The following TMEM100 variants were observed in gnomAD, a reference collection of about 807,000 sequenced individuals.
TMEM100 encodes the protein transmembrane protein 100.
For missense variants in TMEM100, 137 were observed against 168.2 expected, an observed-to-expected ratio of 0.81 and a Z score of 1.02; for synonymous variants, 61 against 67.1, an observed-to-expected ratio of 0.91 and a Z score of 0.44.
At position 55,720,454 on chromosome 17, in the gene TMEM100, A is replaced by T. The variant is rs1908829882; in HGVS notation, c.*212T>A. On this transcript the variant is annotated 3_prime_UTR_variant, in exon 2 of 2. Transcript: ENST00000424486. The stretch of plus-strand genomic sequence containing the variant: ...CATGTAAATAGAAAGCTGATTTTTC[A>T]GTCTCAGAAGTAGCCCTTAGGGTTA... 2 of 597,394 alleles carry T rather than the reference A, an allele frequency of 3.3e-6. No individual in the cohort carries two copies. Among genetic ancestry groups the T allele is most frequent in the South Asian group, 5.2e-5 (2 of 38,506 alleles). The allele number at this position is 597,394 out of a possible 1,614,324, so 37.0% of individuals were successfully genotyped here.
chr17:55,726,003 CA>C (rs778840593), upstream of TMEM100, among the ~76,000 whole-genome samples: 15 of 152,106 alleles, frequency 9.9e-5, 2 homozygotes, highest in Admixed American at 7.2e-4. Context: ...TCCTCTTTCC[CA>C]ATAACATGCA....
rs142578710 is a variant in TMEM100 at position 55,729,004 on chromosome 17, G to A, written c.-358-1022C>T. ...TTAAAGAGCACAGGGCAGGCAGAGA[G>A]CAGTCAAAATAAGACCGGAAATAGT... On this transcript the variant is annotated intron_variant, in intron 1 of 3. Coordinates refer to the TMEM100 transcript ENST00000575734. Among the ~76,000 whole-genome samples the A allele has an allele frequency of 1.2e-4, 18 of 152,362 alleles. No individual in the cohort carries two copies. In the South Asian group the frequency reaches 1.4e-3, roughly 12 times the overall value.
chr17:55,721,318 T>A (rs1908879884), intron 1 of TMEM100, 183 bp from the exon 2 acceptor site: 1 of 447,242 alleles, frequency 2.2e-6, no homozygotes, highest in Non-Finnish European at 3.9e-6. Context: ...ATGAAGCAGA[T>A]GCATATGAAG....
In TMEM100 at chr17:55,721,009, A is replaced by AT; in HGVS notation, c.61dup (p.Met21AsnfsTer8). ...AACTTCACTCTTGGGGCTCTTCTCC[A>AT]TCGTCGCTGCCATGTGAGCCTTTGG... On this transcript the variant is annotated frameshift_variant, in exon 2 of 2. Coordinates refer to ENST00000424486, the MANE Select transcript of TMEM100 (RefSeq NM_018286.3). LOFTEE classifies it high-confidence loss of function. 6.2e-7 allele frequency: 1 copy of AT among 1,614,140 alleles called. No individual in the cohort carries two copies.
In TMEM100 at chr17:55,720,744, C is replaced by G; in HGVS notation, c.327G>C (p.Val109=). The change falls in exon 2 of 2, where the codon GTG becomes GTC. Residue 109 remains valine (V), a synonymous_variant. Coordinates refer to ENST00000424486, the MANE Select transcript of TMEM100 (RefSeq NM_018286.3). Reference sequence around the variant, plus strand: ...TCTTGGCTTTCTTGCTCCTTTGTCTCACTTTCCAGCACAAGGCACTGGAGG... The same window carrying G: ...TCTTGGCTTTCTTGCTCCTTTGTCTGACTTTCCAGCACAAGGCACTGGAGG... ...LLASSALCWK[V]RQRSKKAKRR... is the part of the protein sequence containing the mutation. 6.2e-7 allele frequency: 1 copy of G among 1,614,176 alleles called. No homozygotes were observed. Among genetic ancestry groups the G allele is most frequent in the Non-Finnish European group, 8.5e-7 (1 of 1,180,022 alleles).
Position 55,720,437 on chromosome 17 carries a change from TAGAA to T in TMEM100, c.*225_*228del. ...TGACCCCCAAAGTGTTTCATGTAAA[TAGAA>T]AGCTGATTTTTCAGTCTCAGAAGTA... On this transcript the variant is annotated 3_prime_UTR_variant, in exon 2 of 2. Coordinates refer to ENST00000424486, the MANE Select transcript of TMEM100 (RefSeq NM_018286.3). 1.8e-6 allele frequency: 1 copy of T among 567,480 alleles called. No homozygotes were observed. Among genetic ancestry groups the T allele is most frequent in the Non-Finnish European group, 3.0e-6 (1 of 330,556 alleles). 35.2% of individuals were successfully genotyped at this position (567,480 alleles called of 1,614,324 possible). A position where few individuals can be genotyped will look rare whatever the true frequency, so the allele number is the denominator to read the frequency against.
At chr17:55,725,576 G>A (rs1223197388), upstream of TMEM100, among the ~76,000 whole-genome samples, 3 of 152,204 alleles carry the variant, frequency 2.0e-5, no homozygotes, top group African/African-American at 4.8e-5. Flanking sequence ...ATTAGGGACC[G>A]TAAACAAAGT....
chr17:55,725,030 G>C (rs751149654), upstream of TMEM100, among the ~76,000 whole-genome samples: 2 of 152,228 alleles, frequency 1.3e-5, no homozygotes, highest in African/African-American at 2.4e-5. Context: ...CAAAGAGGTA[G>C]AAAGTTTTGG....
chr17:55,721,404 C>G (rs182021312), intron 1 of TMEM100: 1 of 230,392 alleles, frequency 4.3e-6, no homozygotes, highest in African/African-American at 2.3e-5. Flanking sequence ...ACAAGCTTTT[C>G]TGCTTTGTCT....
chr17:55,725,926 T>C (rs1243046097), upstream of TMEM100, among the ~76,000 whole-genome samples: 2 of 152,194 alleles, frequency 1.3e-5, no homozygotes, highest in Non-Finnish European at 2.9e-5. Context: ...TCGTAATCTT[T>C]GCTCTACATT....
At chr17:55,731,028 T>C (rs1355186972) in intron 1 of TMEM100, among the ~76,000 whole-genome samples, 1 of 152,164 alleles carries the variant, frequency 6.6e-6, no homozygotes, top group Non-Finnish European at 1.5e-5. Context: ...GTTTCTTCCA[T>C]CAGGGCACAC....
Position 55,720,725 on chromosome 17 carries a change from C to T in TMEM100, c.346G>A (p.Ala116Thr). Residue 116 changes from alanine to threonine, a missense_variant, in exon 2 of 2, where the codon GCC (alanine) becomes ACC (threonine). Ala to Thr is a moderately conservative substitution (Grantham distance 58, BLOSUM62 0). Coordinates refer to ENST00000424486, the MANE Select transcript of TMEM100 (RefSeq NM_018286.3). Reference sequence around the variant, plus strand: ...GCTGTTTGACTCTCCCGTCTCTTGGCTTTCTTGCTCCTTTGTCTCACTTTC... The same window carrying T: ...GCTGTTTGACTCTCCCGTCTCTTGGTTTTCTTGCTCCTTTGTCTCACTTTC... ...CWKVRQRSKK[A>T]KRRESQTALV... 1 of 1,614,084 alleles carries T rather than the reference C, an allele frequency of 6.2e-7. No homozygotes were observed. The highest frequency in any genetic ancestry group is 8.5e-7 in the Non-Finnish European group (1 of 1,179,974).
At position 55,720,608 on chromosome 17, in the gene TMEM100, G is replaced by C; in HGVS notation, c.*58C>G. 1 of 1,538,502 alleles carries C rather than the reference G, an allele frequency of 6.5e-7. No homozygotes were observed. On this transcript the variant is annotated 3_prime_UTR_variant, in exon 2 of 2. Transcript: ENST00000424486. ...TCCCACCATGGTTCTGGGTGAATTGGGTGACAAAGTCAGAGCACGTTTTCC... is the reference window on the plus strand; with the variant it reads ...TCCCACCATGGTTCTGGGTGAATTGCGTGACAAAGTCAGAGCACGTTTTCC...
At chr17:55,727,409 A>G (rs1266792207), upstream of TMEM100, among the ~76,000 whole-genome samples, 1 of 152,132 alleles carries the variant, frequency 6.6e-6, no homozygotes, top group African/African-American at 2.4e-5. Context: ...TAAGGCTCAC[A>G]TATTCTGGGG....
upstream of TMEM100, among the ~76,000 whole-genome samples, chr17:55,725,365 C>T (rs1338991695): frequency 6.6e-6 from 1 of 152,136 alleles, no homozygotes; most frequent in Non-Finnish European, 1.5e-5. Flanking sequence ...TAGGAGACTC[C>T]TTTAAGTTTG....
At chr17:55,722,327 A>C (rs77308551) in intron 1 of TMEM100, among the ~76,000 whole-genome samples, 238 of 152,356 alleles carry the variant, frequency 1.6e-3, no homozygotes, top group African/African-American at 5.4e-3. Context: ...AAATATATTA[A>C]GCATCCACTG....
At chr17:55,726,781 T>C (rs1909086016), upstream of TMEM100, among the ~76,000 whole-genome samples, 1 of 152,152 alleles carries the variant, frequency 6.6e-6, no homozygotes, top group Non-Finnish European at 1.5e-5. Flanking sequence ...TCATGGACAT[T>C]TTGGAAAGTG....
In TMEM100 at chr17:55,720,723, G is replaced by C. The variant is rs757180769; in HGVS notation, c.348C>G (p.Ala116=). 6.2e-7 allele frequency: 1 copy of C among 1,614,096 alleles called. No homozygotes were observed. The highest frequency in any genetic ancestry group is 8.5e-7 in the Non-Finnish European group (1 of 1,179,996). Residue 116 remains alanine (A), a synonymous_variant, in exon 2 of 2, where the codon GCC becomes GCG. Transcript: ENST00000424486. ...CWKVRQRSKK[A]KRRESQTALV... ...GAGCTGTTTGACTCTCCCGTCTCTT[G>C]GCTTTCTTGCTCCTTTGTCTCACTT...
chr17:55,728,068 C>T (rs1434173912), intron 1 of TMEM100: 1 of 152,192 alleles, frequency 6.6e-6, no homozygotes, highest in East Asian at 1.9e-4. Flanking sequence ...ACCTGGGCTC[C>T]TTCCTTCTGA....
Sources: allele counts gnomAD v4.1 joint callset (sites outside exome capture counted in the v4.1 genomes callset), GRCh38; gene constraint gnomAD v4.1.1; transcripts MANE v1.5; gene names NCBI Gene and HGNC (gene_info 2026-07-23, HGNC 2026-07-21).